Variants in GOSR2 observed in about 807,000 individuals in gnomAD.
GOSR2 encodes 27 kDa Golgi SNARE protein.
In GOSR2, 20 loss-of-function variants were observed where a neutral mutation model predicts 27.9. The observed-to-expected ratio is 0.72, with a 90% CI of 0.50 to 1.04. The LOEUF (loss-of-function observed/expected upper bound fraction) is 1.04, where lower values mean the gene tolerates loss of function less well. GOSR2 is among the 50% of genes least tolerant of loss of function. The probability of loss-of-function intolerance (pLI) is 0.00; values close to 1 mark genes in which losing one functional copy is unlikely to be tolerated. For missense variants in GOSR2, 261 were observed against 270.5 expected (o/e 0.97, Z 0.25); for synonymous variants, 91 against 98.8 (o/e 0.92, Z 0.47).
intron 5 of GOSR2, chr17:46,935,719 A>ACTCC: frequency 1.0e-6 from 1 of 987,938 alleles, no homozygotes; most frequent in Non-Finnish European, 1.2e-6. Context: ...GCGACTCTTC[A>ACTCC]CTCCCTAGCC....
intron 6 of GOSR2, among the ~76,000 whole-genome samples, chr17:46,951,593 G>T (rs1185917788): frequency 6.6e-6 from 1 of 152,094 alleles, no homozygotes; most frequent in Non-Finnish European, 1.5e-5. Context: ...ACTTTCTTTT[G>T]CCCCCATGTT....
At chr17:46,950,671 A>G (rs62075889) in intron 6 of GOSR2, among the ~76,000 whole-genome samples, 2 of 151,888 alleles carry the variant, frequency 1.3e-5, no homozygotes, top group Non-Finnish European at 2.9e-5. Context: ...GGGCTGCCCC[A>G]CCATCCTGCC....
downstream of GOSR2, among the ~76,000 whole-genome samples, chr17:46,943,779 T>C (rs2089576759): frequency 6.6e-6 from 1 of 152,188 alleles, no homozygotes; most frequent in African/African-American, 2.4e-5. Flanking sequence ...CAGCAATGAC[T>C]GCAGTAAAAG....
intron 5 of GOSR2, chr17:46,935,673 CT>C: frequency 1.0e-6 from 1 of 990,968 alleles, no homozygotes; most frequent in Non-Finnish European, 1.2e-6. Context: ...GCTTTAGAAG[CT>C]TCTAGAGCTT....
At chr17:46,927,658 C>T (rs937287996) in intron 1 of GOSR2, among the ~76,000 whole-genome samples, 3 of 152,140 alleles carry the variant, frequency 2.0e-5, no homozygotes, top group Non-Finnish European at 2.9e-5. Context: ...TCCCAAATAA[C>T]GTGGGGCTGT....
intron 6 of GOSR2, chr17:46,975,116 A>G (rs1399467200): frequency 4.0e-5 from 6 of 151,020 alleles, no homozygotes; most frequent in South Asian, 2.1e-4. Context: ...TTGAGCGTCT[A>G]TTAAATGCCA....
chr17:46,925,705 G>A (rs955206749), intron 1 of GOSR2, among the ~76,000 whole-genome samples: 1 of 152,124 alleles, frequency 6.6e-6, no homozygotes, highest in Non-Finnish European at 1.5e-5. Flanking sequence ...CACAACAGTA[G>A]CTGAACTTAT....
intron 1 of GOSR2, chr17:46,923,561 C>T (rs1486139599): frequency 3.0e-6 from 4 of 1,313,608 alleles, no homozygotes; most frequent in South Asian, 2.5e-5. Context: ...GTTGGTAGAC[C>T]TCGAGAGGAG....
At chr17:46,923,820 C>T (rs1037405060) in intron 1 of GOSR2, 6 of 400,364 alleles carry the variant, frequency 1.5e-5, no homozygotes, top group Non-Finnish European at 2.2e-5. Context: ...TTGGTAGTGT[C>T]CTTTATTCGC....
Position 46,938,764 on chromosome 17 carries a change from AGCCACGCTCAGT to A in GOSR2, c.*6_*17del, listed in dbSNP as rs762088678. The A allele has an allele frequency of 6.2e-7, 1 of 1,613,898 alleles. No individual in the cohort carries two copies. The highest frequency in any genetic ancestry group is 8.5e-7 in the Non-Finnish European group (1 of 1,179,984). On this transcript the variant is annotated 3_prime_UTR_variant, in exon 6 of 6. Transcript: ENST00000640051. ...CGTGGTGCAGTACCTGACATGAGCC[AGCCACGCTCAGT>A]GGCTGAACAGCATTCCCACAGCCTG...
chr17:46,939,734 G>A lies in GOSR2; in HGVS notation c.*974G>A, dbSNP rs2088993208. ...CCCACCGTGGAGACATCTGTAGTGT[G>A]TATGTCCTTGTAACACTCTGTTTTC... On this transcript the variant is annotated 3_prime_UTR_variant, in exon 6 of 6. Transcript: ENST00000640051. The A allele has an allele frequency of 4.1e-6, 4 of 987,126 alleles. No homozygotes were observed. Among genetic ancestry groups the A allele is most frequent in the Non-Finnish European group, 4.8e-6 (4 of 831,136 alleles). 61.1% of individuals were successfully genotyped at this position (987,126 alleles called of 1,614,324 possible).
intron 6 of GOSR2, among the ~76,000 whole-genome samples, chr17:46,958,604 G>A (rs963495475): frequency 6.6e-6 from 1 of 152,220 alleles, no homozygotes; most frequent in Non-Finnish European, 1.5e-5. Flanking sequence ...ACAGTGAGAT[G>A]TGCCAGTGGG....
chr17:46,929,607 C>G (rs1469974026), intron 2 of GOSR2, 23 bp downstream of exon 2: 17 of 1,217,994 alleles, frequency 1.4e-5, no homozygotes, highest in Non-Finnish European at 2.0e-5. Flanking sequence ...CTGTGGAGAC[C>G]AGAGTCCTTT....
rs1031155317 is a variant in GOSR2 at position 46,954,624 on chromosome 17, C to T, written c.584-11910C>T. 2.6e-5 allele frequency among the ~76,000 whole-genome samples: 4 copies of T among 152,158 alleles called. 1 individual carries two copies. The South Asian group carries it at 8.3e-4, about 32-fold the overall frequency. Reference sequence around the variant, plus strand: ...CTATAAATTACCTTGGTCAGTATGGCCAGTTTCATGATATTGATTCTTCCT... The same window carrying T: ...CTATAAATTACCTTGGTCAGTATGGTCAGTTTCATGATATTGATTCTTCCT... On this transcript the variant is annotated intron_variant, in intron 6 of 6. Coordinates refer to the GOSR2 transcript ENST00000573224.
downstream of GOSR2, among the ~76,000 whole-genome samples, chr17:46,946,815 A>T (rs998335097): frequency 6.6e-6 from 1 of 152,264 alleles, no homozygotes; most frequent in African/African-American, 2.4e-5. Context: ...GTGAGCCGAC[A>T]TTGTGCCACT....
chr17:46,956,048 C>T (rs538905379), intron 6 of GOSR2, among the ~76,000 whole-genome samples: 1 of 152,062 alleles, frequency 6.6e-6, no homozygotes, highest in Non-Finnish European at 1.5e-5. Flanking sequence ...CAGGAAGATA[C>T]GGAGTCTGAA....
At position 46,966,455 on chromosome 17, in the gene GOSR2, C is replaced by T. The variant is rs2091324350; in HGVS notation, c.584-79C>T. 8.2e-6 allele frequency: 5 copies of T among 612,304 alleles called. No homozygotes were observed. The East Asian group carries it at 1.2e-4, about 14-fold the overall frequency. The allele number at this position is 612,304 out of a possible 1,614,324, so 37.9% of individuals were successfully genotyped here. ...CTTGACCTGCTGGGCTTAAGCAATC[C>T]TCCCATCTCAGCCTCCAGGGTAGTT... On this transcript the variant is annotated intron_variant, in intron 6 of 6. Transcript: ENST00000573224.
At chr17:46,925,615 C>T (rs536579106) in intron 1 of GOSR2, among the ~76,000 whole-genome samples, 1 of 152,304 alleles carries the variant, frequency 6.6e-6, no homozygotes, top group African/African-American at 2.4e-5. Context: ...GAATGACTTT[C>T]ACAAGAAACA....
intron 6 of GOSR2, among the ~76,000 whole-genome samples, chr17:46,953,497 G>T (rs902302317): frequency 1.3e-5 from 2 of 152,046 alleles, no homozygotes; most frequent in East Asian, 1.9e-4. Flanking sequence ...GAATAGTGCC[G>T]CAATAAACAT....
Sources: gnomAD v4.1 joint callset for allele counts (sites outside exome capture counted in the v4.1 genomes callset) on GRCh38, gnomAD v4.1.1 for gene constraint, MANE v1.5 for transcripts, NCBI Gene and HGNC (gene_info 2026-07-23, HGNC 2026-07-21) for gene names.